PJA2: variants seen among roughly 807,000 people sequenced by gnomAD.
PJA2 encodes E3 ubiquitin-protein ligase Praja-2.
PJA2 carries 25 observed loss-of-function variants against 69.3 expected under a neutral mutation model. The observed-to-expected ratio is 0.36, with a 90% CI of 0.26 to 0.50. The LOEUF is 0.50. Ranked by LOEUF, PJA2 falls within the 20% of genes least tolerant of loss-of-function variation. The pLI is 0.96. For synonymous variants in PJA2, 308 were observed against 277.8 expected, an observed-to-expected ratio of 1.11 and a Z score of -1.08; for missense variants, 809 against 830.2, an observed-to-expected ratio of 0.97 and a Z score of 0.31.
chr5:109,364,253 TG>T (rs1361873834), intron 5 of PJA2, among the ~76,000 whole-genome samples: 1 of 152,170 alleles, frequency 6.6e-6, no homozygotes, highest in African/African-American at 2.4e-5. Context: ...TATACTTTTT[TG>T]AAGTACATGT....
intron 7 of PJA2, among the ~76,000 whole-genome samples, chr5:109,346,098 G>A (rs1406831076): frequency 6.6e-6 from 1 of 152,184 alleles, no homozygotes; most frequent in African/African-American, 2.4e-5. Context: ...TGAGGCCTAT[G>A]TCAGTGGTCC....
At chr5:109,400,755 G>A (rs1317082839) in intron 1 of PJA2, among the ~76,000 whole-genome samples, 2 of 151,856 alleles carry the variant, frequency 1.3e-5, no homozygotes, top group African/African-American at 2.4e-5. Context: ...AGAGGCAGGT[G>A]GATCACGAGG....
rs1762095260 is a variant in PJA2 at position 109,342,633 on chromosome 5, C to T, written c.2001+1557G>A. ...AGGAGCCCCTCTGCCCGGCCAGCCG[C>T]CCCGTCCGGGAGGGAGGTGGGGGTG... On this transcript the variant is annotated intron_variant, in intron 9 of 9. Transcript: ENST00000361189. 2.7e-5 allele frequency among the ~76,000 whole-genome samples: 3 copies of T among 111,052 alleles called. No homozygotes were observed. In the South Asian group the frequency reaches 9.1e-4, roughly 34 times the overall value. 72.9% of individuals were successfully genotyped at this position (111,052 alleles called of 152,430 possible). A position where few individuals can be genotyped will look rare whatever the true frequency, so the allele number is the denominator to read the frequency against.
chr5:109,360,423 GAACC>G (rs1290823212), intron 6 of PJA2, among the ~76,000 whole-genome samples: 1 of 151,842 alleles, frequency 6.6e-6, no homozygotes, highest in African/African-American at 2.4e-5. Context: ...CTAAATTAAG[GAACC>G]AAAAGGCTTC....
chr5:109,342,904 G>A (rs1339041140), intron 9 of PJA2, among the ~76,000 whole-genome samples: 6 of 68,298 alleles, frequency 8.8e-5, no homozygotes, highest in African/African-American at 3.9e-4. Context: ...CCCCCTGCCC[G>A]GCCAGCCGCC....
intron 9 of PJA2, among the ~76,000 whole-genome samples, chr5:109,343,217 G>A (rs1360214918): frequency 1.7e-5 from 2 of 114,292 alleles, no homozygotes; most frequent in Non-Finnish European, 3.4e-5. Context: ...CCCCAACCCT[G>A]TGCTCTCTGA....
At chr5:109,342,590 C>T (rs1226959515) in intron 9 of PJA2, among the ~76,000 whole-genome samples, 30 of 95,904 alleles carry the variant, frequency 3.1e-4, no homozygotes, top group African/African-American at 1.1e-3. Flanking sequence ...TCTGCCCGGC[C>T]GCCCCTACTG....
chr5:109,387,025 T>C (rs540005245), intron 1 of PJA2, among the ~76,000 whole-genome samples: 97 of 152,144 alleles, frequency 6.4e-4, no homozygotes, highest in Admixed American at 1.8e-3. Flanking sequence ...CTCACTACTT[T>C]TTCTTTATTT....
chr5:109,385,007 G>C (rs1004186960), intron 1 of PJA2, among the ~76,000 whole-genome samples: 1 of 152,140 alleles, frequency 6.6e-6, no homozygotes, highest in African/African-American at 2.4e-5. Context: ...AGTAGAGACA[G>C]GGTTTCACCA....
intron 1 of PJA2, among the ~76,000 whole-genome samples, chr5:109,408,485 G>A (rs1747743328): frequency 6.6e-6 from 1 of 151,958 alleles, no homozygotes; most frequent in African/African-American, 2.4e-5. Context: ...ATGTAATTAA[G>A]TCAATAAGCA....
intron 7 of PJA2, among the ~76,000 whole-genome samples, chr5:109,355,496 C>A (rs1762398427): frequency 6.6e-6 from 1 of 152,102 alleles, no homozygotes; most frequent in Non-Finnish European, 1.5e-5. Context: ...TAAGGAGGAG[C>A]AAATTTCCTA....
At chr5:109,388,804 TA>T (rs1747219896) in intron 1 of PJA2, among the ~76,000 whole-genome samples, 1 of 152,178 alleles carries the variant, frequency 6.6e-6, no homozygotes, top group Non-Finnish European at 1.5e-5. Context: ...CAAAATGCCC[TA>T]AAAACATTTA....
intron 4 of PJA2, 145 bp downstream of exon 4, chr5:109,378,059 T>C (rs954534666): frequency 2.5e-5 from 16 of 630,944 alleles, no homozygotes; most frequent in African/African-American, 3.7e-5. Flanking sequence ...GCATGTATGG[T>C]TAGCATTCAG....
At chr5:109,343,297 G>A (rs55944249) in intron 9 of PJA2, among the ~76,000 whole-genome samples, 745 of 21,724 alleles carry the variant, frequency 0.034, 17 homozygotes, top group Middle Eastern at 0.077. Flanking sequence ...AAAAAAGAAA[G>A]AAAGAAAGAA....
chr5:109,369,757 C>A (rs939620137), intron 4 of PJA2, among the ~76,000 whole-genome samples: 1 of 152,182 alleles, frequency 6.6e-6, no homozygotes, highest in African/African-American at 2.4e-5. Context: ...TCAGGCCGGG[C>A]ATGGTGGCTC....
chr5:109,405,954 G>A (rs1385663154), intron 1 of PJA2, among the ~76,000 whole-genome samples: 2 of 151,162 alleles, frequency 1.3e-5, no homozygotes, highest in Admixed American at 1.3e-4. Flanking sequence ...ATTGCAGTGT[G>A]TGTGTGTGTT....
At chr5:109,349,008 G>C (rs1197931509) in intron 7 of PJA2, among the ~76,000 whole-genome samples, 1 of 152,182 alleles carries the variant, frequency 6.6e-6, no homozygotes, top group Non-Finnish European at 1.5e-5. Context: ...GTGTTACTAT[G>C]AATGTGTGGA....
chr5:109,362,760 T>C (rs771011397), intron 6 of PJA2, 80 bp downstream of exon 6: 31 of 1,336,746 alleles, frequency 2.3e-5, no homozygotes, highest in Non-Finnish European at 3.0e-5. Flanking sequence ...ATTTCTCAGC[T>C]AGCAGAGATT....
chr5:109,353,459 A>G (rs1762313481), intron 7 of PJA2, among the ~76,000 whole-genome samples: 3 of 121,926 alleles, frequency 2.5e-5, no homozygotes, highest in Non-Finnish European at 5.4e-5. Context: ...TATATATTAG[A>G]TACCTATATC....
Sources: gnomAD v4.1 joint callset for allele counts (sites outside exome capture counted in the v4.1 genomes callset) on GRCh38, gnomAD v4.1.1 for gene constraint, MANE v1.5 for transcripts, NCBI Gene and HGNC (gene_info 2026-07-23, HGNC 2026-07-21) for gene names.